The following MYO7A variants were observed in gnomAD, a reference collection of about 807,000 sequenced individuals.
MYO7A encodes the protein unconventional myosin-VIIa.
Under a neutral mutation model 263.8 loss-of-function variants are expected in MYO7A, and 210 were observed. The observed-to-expected ratio is 0.80, with a 90% CI of 0.71 to 0.89. The LOEUF is 0.89. MYO7A is among the 40% of genes least tolerant of loss of function. The pLI is 0.00. For synonymous variants in MYO7A, 1,239 were observed against 1,197.3 expected (o/e 1.03, Z -0.72); for missense variants, 2,820 against 2,968.3 (o/e 0.95, Z 1.16).
At chr11:77,171,173 G>C (rs115376118) in intron 15 of MYO7A, among the ~76,000 whole-genome samples, 2,193 of 152,334 alleles carry the variant, frequency 0.014, 56 homozygotes, top group African/African-American at 0.049. Context: ...GTGCGTGCGC[G>C]TGTGTGTACA....
Position 77,208,787 on chromosome 11 carries a change from T to C in MYO7A, c.6035T>C (p.Ile2012Thr). 6.4e-7 allele frequency: 1 copy of C among 1,566,368 alleles called. No homozygotes were observed. The highest frequency in any genetic ancestry group is 8.7e-7 in the Non-Finnish European group (1 of 1,154,884). Reference sequence around the variant, plus strand: ...GGGAAGGATCCCATGGCCGATTCCATCTTCCACTATTACCAGGTGGGCACC... The same window carrying C: ...GGGAAGGATCCCATGGCCGATTCCACCTTCCACTATTACCAGGTGGGCACC... ...VPGKDPMADSIFHYYQELPKY... is the reference protein window; with the variant it reads ...VPGKDPMADSTFHYYQELPKY... The change falls in exon 44 of 49, where the codon ATC becomes ACC. Residue 2012 changes from isoleucine (I) to threonine (T), a missense_variant. Physicochemically the swap from Ile to Thr is moderately conservative, Grantham distance 89. Transcript: ENST00000409709.
rs782198190 is a variant in MYO7A at position 77,184,584 on chromosome 11, C to T, written c.3376-4C>T. 6.4e-7 allele frequency: 1 copy of T among 1,559,826 alleles called. No homozygotes were observed. Among genetic ancestry groups the T allele is most frequent in the Non-Finnish European group, 8.7e-7 (1 of 1,151,562 alleles). Reference sequence around the variant, plus strand: ...ACCTGCCCTGTCCTCTCCCTCTGGCCCAGGTGACCAAGAGGCTGCATGACG... The same window carrying T: ...ACCTGCCCTGTCCTCTCCCTCTGGCTCAGGTGACCAAGAGGCTGCATGACG... On this transcript the variant is annotated splice_region_variant and splice_polypyrimidine_tract_variant and intron_variant, in intron 26 of 48. Coordinates refer to ENST00000409709, the MANE Select transcript of MYO7A (RefSeq NM_000260.4).
At chr11:77,180,049 A>G (rs1955046302) in intron 21 of MYO7A, 96 bp downstream of exon 21, 1 of 1,273,146 alleles carries the variant, frequency 7.9e-7, no homozygotes, top group Non-Finnish European at 1.1e-6. Context: ...TGGGACCTAT[A>G]GGGGGGACCT....
At position 77,166,175 on chromosome 11, in the gene MYO7A, C is replaced by T. The variant is rs782461418; in HGVS notation, c.1797+13C>T. On this transcript the variant is annotated intron_variant, in intron 15 of 48. Transcript: ENST00000409709. ...CGATGTCGCCATGGTAAGCCGGGTG[C>T]GGTTTCTGTTGTTCGGGAAGGGCCC... 4.9e-5 allele frequency: 79 copies of T among 1,611,412 alleles called. No individual in the cohort carries two copies. Among genetic ancestry groups the T allele is most frequent in the Admixed American group, 3.7e-4 (22 of 59,946 alleles).
intron 39 of MYO7A, 118 bp downstream of exon 39, chr11:77,204,347 C>T (rs1396056059): frequency 2.2e-5 from 30 of 1,386,916 alleles, no homozygotes; most frequent in East Asian, 7.6e-5. Flanking sequence ...CACACAGAGC[C>T]GGGAGCTGCT....
chr11:77,130,644 C>A lies in MYO7A; in HGVS notation c.10C>A (p.Leu4Ile). 1 of 1,613,348 alleles carries A rather than the reference C, an allele frequency of 6.2e-7. No homozygotes were observed. The change falls in exon 2 of 49, where the codon CTT becomes ATT. Residue 4 changes from leucine (L) to isoleucine (I), a missense_variant. By Grantham distance (5) the Leu-to-Ile change is conservative. Coordinates refer to ENST00000409709, the MANE Select transcript of MYO7A (RefSeq NM_000260.4). ...CTCCTGACTTGGGACCATGGTGATTCTTCAGCAGGTCAGTGTTCCCACCTC... is the reference window on the plus strand; with the variant it reads ...CTCCTGACTTGGGACCATGGTGATTATTCAGCAGGTCAGTGTTCCCACCTC... The part of the protein sequence containing the change: MVI[L>I]QQGDHVWMDL...
chr11:77,214,633 T>C lies in MYO7A; in HGVS notation c.6585T>C (p.Thr2195=). ...SLGYKMDDLL[T]SYISQMLTAM... ...GCTACAAGATGGATGACCTCCTGAC[T>C]TCCTACATTAGCCAGATGCTCACAG... Residue 2195 remains threonine, a synonymous_variant, in exon 49 of 49, where the codon ACT becomes ACC. Transcript: ENST00000409709. 1.3e-6 allele frequency: 2 copies of C among 1,587,288 alleles called. No homozygotes were observed. Among genetic ancestry groups the C allele is most frequent in the South Asian group, 1.2e-5 (1 of 86,590 alleles).
intron 25 of MYO7A, 119 bp downstream of exon 25, chr11:77,182,719 C>T (rs1335861265): frequency 4.5e-5 from 48 of 1,075,946 alleles, no homozygotes; most frequent in Non-Finnish European, 6.1e-5. Flanking sequence ...TCTGCCTCAC[C>T]GACCCCTGCC....
intron 30 of MYO7A, among the ~76,000 whole-genome samples, chr11:77,191,449 G>T (rs1956059955): frequency 6.6e-6 from 1 of 152,242 alleles, no homozygotes; most frequent in Non-Finnish European, 1.5e-5. Flanking sequence ...GAAGAGCATG[G>T]CACAGGCTGA....
intron 42 of MYO7A, 29 bp from the exon 43 acceptor site, chr11:77,208,401 T>C (rs778040450): frequency 6.5e-7 from 1 of 1,547,902 alleles, no homozygotes; most frequent in South Asian, 1.1e-5. Flanking sequence ...TTGCTTAAAC[T>C]GAGTGTGCTT....
intron 16 of MYO7A, among the ~76,000 whole-genome samples, chr11:77,174,302 C>T (rs1178568878): frequency 1.3e-5 from 2 of 152,158 alleles, no homozygotes; most frequent in Admixed American, 1.3e-4. Context: ...AAAGGTCCTC[C>T]CTGGGGCTGT....
intron 15 of MYO7A, among the ~76,000 whole-genome samples, chr11:77,168,790 T>C (rs1953807856): frequency 2.0e-5 from 3 of 151,690 alleles, no homozygotes; most frequent in South Asian, 4.2e-4. Flanking sequence ...CAGAGTGAGA[T>C]CCTGTCTCTA....
chr11:77,139,306 G>A (rs1050790298), intron 2 of MYO7A: 2 of 152,238 alleles, frequency 1.3e-5, no homozygotes, highest in East Asian at 1.9e-4. Context: ...GAGAACATTC[G>A]AACAGACCCA....
chr11:77,176,301 A>G (rs1555080055), intron 18 of MYO7A, among the ~76,000 whole-genome samples: 1 of 152,192 alleles, frequency 6.6e-6, no homozygotes, highest in East Asian at 1.9e-4. Context: ...CTCATCAGCA[A>G]GATGTGATGA....
At chr11:77,177,993 C>A (rs1375506995) in intron 19 of MYO7A, among the ~76,000 whole-genome samples, 1 of 151,954 alleles carries the variant, frequency 6.6e-6, no homozygotes, top group Non-Finnish European at 1.5e-5. Flanking sequence ...ATTATTAATA[C>A]AAAATGTGTC....
intron 41 of MYO7A, chr11:77,206,922 G>A (rs776670906): frequency 2.7e-5 from 5 of 184,228 alleles, no homozygotes; most frequent in South Asian, 1.7e-4. Flanking sequence ...CCATCTGTCC[G>A]GGCTGCTTTC....
intron 1 of MYO7A, among the ~76,000 whole-genome samples, 174 bp from the exon 2 acceptor site, chr11:77,130,415 G>A (rs1950734577): frequency 6.6e-6 from 1 of 152,230 alleles, no homozygotes; most frequent in Admixed American, 6.5e-5. Flanking sequence ...TGGTGACAGT[G>A]GCTGAGGCTC....
intron 15 of MYO7A, among the ~76,000 whole-genome samples, chr11:77,169,982 AGGAGGCCGAGTCTG>A (rs1394875197): frequency 6.6e-6 from 1 of 152,206 alleles, no homozygotes; most frequent in Admixed American, 6.5e-5. Context: ...AGGCTGAGAC[AGGAGGCCGAGTCTG>A]GGAGGTCGAG....
intron 39 of MYO7A, 132 bp downstream of exon 39, chr11:77,204,361 G>T (rs1160626520): frequency 7.8e-7 from 1 of 1,285,570 alleles, no homozygotes; most frequent in African/African-American, 1.5e-5. Flanking sequence ...AGCTGCTCAT[G>T]GGCCCCCTCA....
Sources: gnomAD v4.1 joint callset for allele counts (sites outside exome capture counted in the v4.1 genomes callset) on GRCh38, gnomAD v4.1.1 for gene constraint, MANE v1.5 for transcripts, NCBI Gene and HGNC (gene_info 2026-07-23, HGNC 2026-07-21) for gene names.